Variants in SYT1 observed in about 807,000 individuals in gnomAD.
SYT1 encodes synaptotagmin 1, also known as synaptotagmin-1.
A neutral mutation model predicts 44.8 loss-of-function variants in SYT1; 8 were observed. The observed-to-expected ratio is 0.18, with a 90% CI of 0.10 to 0.32. The LOEUF (loss-of-function observed/expected upper bound fraction) is 0.32, where lower values mean the gene tolerates loss of function less well. Ranked by LOEUF, SYT1 falls within the 10% of genes least tolerant of loss-of-function variation. SYT1 has a pLI of 1.00. For synonymous variants in SYT1, 154 were observed against 188.8 expected (o/e 0.82, Z 1.51); for missense variants, 286 against 509.3 (o/e 0.56, Z 4.22).
At chr12:79,028,154 C>CA (rs1005025818) in intron 2 of SYT1, among the ~76,000 whole-genome samples, 46 of 151,478 alleles carry the variant, frequency 3.0e-4, no homozygotes, top group African/African-American at 1.1e-3. Context: ...TGAATGTGTT[C>CA]AAAAACCAGA....
chr12:79,104,323 C>T (rs1190003367), intron 3 of SYT1, among the ~76,000 whole-genome samples: 1 of 151,780 alleles, frequency 6.6e-6, no homozygotes, highest in African/African-American at 2.4e-5. Flanking sequence ...AAGATCATAC[C>T]TCTCTTTAGG....
intron 8 of SYT1, among the ~76,000 whole-genome samples, chr12:79,349,312 T>C (rs1305057409): frequency 6.6e-6 from 1 of 152,024 alleles, no homozygotes; most frequent in African/African-American, 2.4e-5. Flanking sequence ...GAAATGGAGA[T>C]GAGTTAGTGA....
chr12:79,252,739 C>A (rs550129269), intron 4 of SYT1, among the ~76,000 whole-genome samples: 1 of 152,206 alleles, frequency 6.6e-6, no homozygotes, highest in South Asian at 2.1e-4. Flanking sequence ...TGGTGTTATA[C>A]CCCTGAGACT....
chr12:79,022,375 T>C (rs570063767), intron 2 of SYT1, among the ~76,000 whole-genome samples: 1 of 151,926 alleles, frequency 6.6e-6, no homozygotes, highest in African/African-American at 2.4e-5. Flanking sequence ...TCTGGGTACC[T>C]GTAGACCCCA....
At chr12:79,039,369 T>G (rs1426343321) in intron 2 of SYT1, among the ~76,000 whole-genome samples, 1 of 151,980 alleles carries the variant, frequency 6.6e-6, no homozygotes, top group African/African-American at 2.4e-5. Flanking sequence ...TAAGAGAAAA[T>G]TATCTGAGTC....
intron 2 of SYT1, among the ~76,000 whole-genome samples, chr12:79,007,255 T>C (rs1871153249): frequency 6.6e-6 from 1 of 152,136 alleles, no homozygotes; most frequent in African/African-American, 2.4e-5. Flanking sequence ...AAGTCCCTCC[T>C]CCTCTGTGAT....
At chr12:79,245,256 G>A (rs1876757999) in intron 4 of SYT1, among the ~76,000 whole-genome samples, 2 of 149,514 alleles carry the variant, frequency 1.3e-5, no homozygotes, top group African/African-American at 4.9e-5. Context: ...ACGAGGTGAG[G>A]AGATCCTGAC....
chr12:79,117,343 C>T (rs1401109560), intron 3 of SYT1, among the ~76,000 whole-genome samples: 2 of 151,910 alleles, frequency 1.3e-5, no homozygotes, highest in Non-Finnish European at 2.9e-5. Context: ...CACAATGCTC[C>T]GTGTTAAATT....
intron 1 of SYT1, among the ~76,000 whole-genome samples, chr12:78,976,085 CT>C (rs1370027989): frequency 6.6e-6 from 1 of 152,122 alleles, no homozygotes; most frequent in South Asian, 2.1e-4. Context: ...CTGGAAGAAT[CT>C]TTCCTCACTA....
In SYT1 at chr12:79,408,537, G is replaced by A. The variant is rs968525207; in HGVS notation, c.929-35536G>A. Among the ~76,000 whole-genome samples, 40 of 152,058 alleles carry A rather than the reference G, an allele frequency of 2.6e-4. 1 individual carries two copies. Among genetic ancestry groups the A allele is most frequent in the Non-Finnish European group, 7.4e-5 (5 of 67,992 alleles). Reference sequence around the variant, plus strand: ...AGCCCATGCTTTCATGTGGATTCAGGGAATAAAGAAGTCTTCCTCACAGGC... The same window carrying A: ...AGCCCATGCTTTCATGTGGATTCAGAGAATAAAGAAGTCTTCCTCACAGGC... On this transcript the variant is annotated intron_variant, in intron 9 of 10. Coordinates refer to ENST00000261205, the MANE Select transcript of SYT1 (RefSeq NM_005639.3).
intron 9 of SYT1, among the ~76,000 whole-genome samples, chr12:79,417,815 G>A (rs1868844265): frequency 6.7e-6 from 1 of 148,724 alleles, no homozygotes; most frequent in African/African-American, 2.5e-5. Flanking sequence ...ACTTCAACCT[G>A]GAGAACCTCT....
Position 79,403,422 on chromosome 12 carries a change from C to T in SYT1, c.929-40651C>T, listed in dbSNP as rs111425943. Among the ~76,000 whole-genome samples, 12 of 152,266 alleles carry T rather than the reference C, an allele frequency of 7.9e-5. 1 individual carries two copies. Among genetic ancestry groups the T allele is most frequent in the African/African-American group, 2.4e-4 (10 of 41,550 alleles). On this transcript the variant is annotated intron_variant, in intron 9 of 10. Coordinates refer to ENST00000261205, the MANE Select transcript of SYT1 (RefSeq NM_005639.3). ...GTTCAGTCCAAAGGCACTCTGCTGG[C>T]AAAATTCCCTCTTCTTCAGGGGAGG... is the stretch of plus-strand genomic sequence containing the variant.
At chr12:79,298,366 G>A (rs1879973954) in intron 7 of SYT1, among the ~76,000 whole-genome samples, 1 of 151,996 alleles carries the variant, frequency 6.6e-6, no homozygotes, top group Non-Finnish European at 1.5e-5. Context: ...ATAAATGACA[G>A]AAAAGAAAAA....
At chr12:79,144,440 T>A (rs1303353729) in intron 3 of SYT1, among the ~76,000 whole-genome samples, 1 of 152,234 alleles carries the variant, frequency 6.6e-6, no homozygotes, top group Admixed American at 6.5e-5. Context: ...AGCAGTTTCC[T>A]CAGCCCACAT....
intron 4 of SYT1, among the ~76,000 whole-genome samples, chr12:79,239,785 T>C (rs1476969231): frequency 6.6e-6 from 1 of 152,200 alleles, no homozygotes; most frequent in African/African-American, 2.4e-5. Flanking sequence ...CCAGGCTTTT[T>C]TCCAAGCTCT....
chr12:79,285,757 T>G lies in SYT1; in HGVS notation c.167-30T>G, dbSNP rs538317754. 1.1e-5 allele frequency: 16 copies of G among 1,517,536 alleles called. 1 individual carries two copies. In the South Asian group the frequency reaches 1.3e-4, roughly 13 times the overall value. The allele number at this position is 1,517,536 out of a possible 1,614,324, so 94.0% of individuals were successfully genotyped here. On this transcript the variant is annotated intron_variant, in intron 4 of 10. Transcript: ENST00000261205. Reference sequence around the variant, plus strand: ...AGGTTTTCCACATCTAAGTGTTGTATGACTAGTGCTCTCTGTGTGTTTCTT... The same window carrying G: ...AGGTTTTCCACATCTAAGTGTTGTAGGACTAGTGCTCTCTGTGTGTTTCTT...
intron 8 of SYT1, among the ~76,000 whole-genome samples, chr12:79,310,842 T>C (rs889180329): frequency 1.3e-5 from 2 of 152,192 alleles, no homozygotes; most frequent in Admixed American, 6.5e-5. Flanking sequence ...ATAAGAATGC[T>C]TGTGATTTTT....
chr12:78,898,329 T>C (rs1026640184), intron 1 of SYT1, among the ~76,000 whole-genome samples: 6 of 152,188 alleles, frequency 3.9e-5, no homozygotes, highest in African/African-American at 1.4e-4. Flanking sequence ...GTTGTCCCTA[T>C]ACCATGCCAA....
At chr12:78,980,964 T>C (rs1455612030) in intron 2 of SYT1, among the ~76,000 whole-genome samples, 1 of 151,860 alleles carries the variant, frequency 6.6e-6, no homozygotes, top group Non-Finnish European at 1.5e-5. Flanking sequence ...ATTTAGAGAA[T>C]GAAAGGCAAA....
Sources: gnomAD v4.1 joint callset for allele counts (sites outside exome capture counted in the v4.1 genomes callset) on GRCh38, gnomAD v4.1.1 for gene constraint, MANE v1.5 for transcripts, NCBI Gene and HGNC (gene_info 2026-07-23, HGNC 2026-07-21) for gene names.